Variants in SORCS3 observed in about 807,000 individuals in gnomAD.
SORCS3 encodes VPS10 domain-containing receptor SorCS3.
A neutral mutation model predicts 146.3 loss-of-function variants in SORCS3; 57 were observed. The ratio of observed to expected loss-of-function variants is 0.39; its 90% CI spans 0.31 to 0.49. The LOEUF is 0.49. SORCS3 is among the 20% of genes least tolerant of loss of function. The pLI is 0.92. For synonymous variants in SORCS3, 653 were observed against 618.5 expected (o/e 1.06, Z -0.83); for missense variants, 1,341 against 1,575.5 (o/e 0.85, Z 2.52).
chr10:105,126,930 C>T (rs1254156242), intron 7 of SORCS3, among the ~76,000 whole-genome samples: 1 of 152,076 alleles, frequency 6.6e-6, no homozygotes, highest in Non-Finnish European at 1.5e-5. Context: ...GTCATTTGTA[C>T]ATCTTGTATG....
intron 3 of SORCS3, among the ~76,000 whole-genome samples, chr10:104,955,916 G>C (rs74155076): frequency 0.017 from 2,616 of 152,272 alleles, 64 homozygotes; most frequent in African/African-American, 0.06. Context: ...CAGTTTTGCT[G>C]TAACTTAAGC....
At chr10:104,830,043 C>T (rs1294794664) in intron 1 of SORCS3, among the ~76,000 whole-genome samples, 1 of 152,096 alleles carries the variant, frequency 6.6e-6, no homozygotes, top group Non-Finnish European at 1.5e-5. Context: ...CTAATGTTCT[C>T]CTTTGCCTAG....
At chr10:105,256,316 G>A (rs999153412) in intron 24 of SORCS3, among the ~76,000 whole-genome samples, 5 of 152,166 alleles carry the variant, frequency 3.3e-5, no homozygotes, top group Admixed American at 1.3e-4. Context: ...TCTACTTTGG[G>A]CTCTCTGGGA....
intron 1 of SORCS3, among the ~76,000 whole-genome samples, chr10:104,762,564 T>A (rs908192374): frequency 6.6e-6 from 1 of 152,180 alleles, no homozygotes; most frequent in African/African-American, 2.4e-5. Context: ...GGTTTGGCTC[T>A]GTGTCCCTGC....
At chr10:105,058,152 G>C (rs1185793555) in intron 5 of SORCS3, among the ~76,000 whole-genome samples, 1 of 152,210 alleles carries the variant, frequency 6.6e-6, no homozygotes, top group African/African-American at 2.4e-5. Context: ...GGGGATCCCA[G>C]CTCTGCAGAC....
intron 1 of SORCS3, among the ~76,000 whole-genome samples, chr10:104,787,103 G>A (rs1193461641): frequency 2.6e-5 from 4 of 152,190 alleles, no homozygotes; most frequent in Non-Finnish European, 4.4e-5. Context: ...TCCCATAGAT[G>A]TTATATGCAA....
Position 105,252,793 on chromosome 10 carries a change from G to A in SORCS3, c.3124G>A (p.Asp1042Asn). Reference protein sequence around the residue: ...ALVKVTSVPEDQILIAVFPGL... With the variant: ...ALVKVTSVPENQILIAVFPGL... ...TTTGCAGGTAACCAGTGTCCCAGAG[G>A]ACCAGATCCTCATTGCCGTGTTTCC... is the stretch of plus-strand genomic sequence containing the variant. Residue 1042 changes from aspartate to asparagine, a missense_variant, in exon 23 of 27, where the codon GAC (aspartate) becomes AAC (asparagine). Physicochemically the swap from Asp to Asn is conservative, Grantham distance 23. Coordinates refer to ENST00000369701, the MANE Select transcript of SORCS3 (RefSeq NM_014978.3). 6.2e-7 allele frequency: 1 copy of A among 1,613,960 alleles called. No individual in the cohort carries two copies. The highest frequency in any genetic ancestry group is 8.5e-7 in the Non-Finnish European group (1 of 1,179,924).
chr10:105,203,950 C>T (rs1473630940), intron 16 of SORCS3, among the ~76,000 whole-genome samples: 3 of 152,084 alleles, frequency 2.0e-5, no homozygotes, highest in African/African-American at 2.4e-5. Flanking sequence ...CAAATAAGCA[C>T]TGTTTTCAGA....
At chr10:104,984,036 C>A (rs115468772) in intron 4 of SORCS3, among the ~76,000 whole-genome samples, 1 of 152,152 alleles carries the variant, frequency 6.6e-6, no homozygotes, top group South Asian at 2.1e-4. Flanking sequence ...GAATTACTTG[C>A]GTGCTTTTTC....
chr10:105,075,717 G>A (rs1302646185), intron 5 of SORCS3, among the ~76,000 whole-genome samples: 2 of 152,154 alleles, frequency 1.3e-5, no homozygotes, highest in Non-Finnish European at 2.9e-5. Context: ...TCAGTGCAGA[G>A]GGGAAAATCA....
At chr10:105,214,684 C>G in intron 18 of SORCS3, 71 bp downstream of exon 18, 2 of 1,396,270 alleles carry the variant, frequency 1.4e-6, no homozygotes, top group South Asian at 2.9e-5. Context: ...AGAAGAAGAT[C>G]TTACATTCCC....
intron 20 of SORCS3, among the ~76,000 whole-genome samples, chr10:105,240,661 C>T (rs1294459098): frequency 3.9e-5 from 6 of 151,908 alleles, no homozygotes; most frequent in Non-Finnish European, 7.4e-5. Flanking sequence ...TACTTTTAGC[C>T]CTGTGGGGGT....
intron 6 of SORCS3, among the ~76,000 whole-genome samples, chr10:105,101,210 C>T (rs2055782089): frequency 6.6e-6 from 1 of 152,204 alleles, no homozygotes; most frequent in Non-Finnish European, 1.5e-5. Flanking sequence ...TATTCAGCCT[C>T]ATTTGGAAGT....
At chr10:104,653,913 A>G (rs768418599) in intron 1 of SORCS3, among the ~76,000 whole-genome samples, 26 of 151,892 alleles carry the variant, frequency 1.7e-4, no homozygotes, top group Non-Finnish European at 3.7e-4. Flanking sequence ...CATTCATTTT[A>G]TTTTTTGTAC....
intron 7 of SORCS3, among the ~76,000 whole-genome samples, chr10:105,119,345 G>A (rs2055915203): frequency 6.6e-6 from 1 of 152,198 alleles, no homozygotes; most frequent in South Asian, 2.1e-4. Flanking sequence ...TGTGCTGCAG[G>A]AGTGAAGCCC....
intron 1 of SORCS3, among the ~76,000 whole-genome samples, chr10:104,797,230 A>G (rs549944818): frequency 1.3e-5 from 2 of 152,244 alleles, no homozygotes; most frequent in Non-Finnish European, 2.9e-5. Context: ...GACAGAAAAG[A>G]ATAATTAGCC....
chr10:104,931,311 G>A (rs2019205608), intron 3 of SORCS3, among the ~76,000 whole-genome samples: 1 of 152,196 alleles, frequency 6.6e-6, no homozygotes, highest in Non-Finnish European at 1.5e-5. Flanking sequence ...GCAGAGCTGG[G>A]CAGCTAGGTA....
chr10:104,955,096 G>C (rs1053612993), intron 3 of SORCS3, among the ~76,000 whole-genome samples: 2 of 152,060 alleles, frequency 1.3e-5, no homozygotes, highest in Non-Finnish European at 2.9e-5. Flanking sequence ...GCACAATGTG[G>C]TGTAATCACT....
chr10:104,908,701 T>C (rs2018934204), intron 2 of SORCS3, among the ~76,000 whole-genome samples: 1 of 152,226 alleles, frequency 6.6e-6, no homozygotes, highest in South Asian at 2.1e-4. Flanking sequence ...GCTGAAAATA[T>C]CAAAAGCACA....
Sources: gnomAD v4.1 joint callset for allele counts (sites outside exome capture counted in the v4.1 genomes callset) on GRCh38, gnomAD v4.1.1 for gene constraint, MANE v1.5 for transcripts, NCBI Gene and HGNC (gene_info 2026-07-23, HGNC 2026-07-21) for gene names.